TNRC18: variants seen among roughly 807,000 people sequenced by gnomAD.
TNRC18 encodes trinucleotide repeat-containing gene 18 protein.
TNRC18 carries 69 observed loss-of-function variants against 226.7 expected under a neutral mutation model. The observed-to-expected ratio is 0.30, with a 90% CI of 0.25 to 0.37. The LOEUF is 0.37. Ranked by LOEUF, TNRC18 falls within the 10% of genes least tolerant of loss-of-function variation. The pLI, the probability that TNRC18 is intolerant of heterozygous loss-of-function variation, is 1.00. For synonymous variants in TNRC18, 2,449 were observed against 1,927.6 expected (o/e 1.27, Z -7.09); for missense variants, 4,754 against 4,256.6 (o/e 1.12, Z -3.25).
intron 2 of TNRC18, among the ~76,000 whole-genome samples, chr7:5,398,240 G>A (rs13246070): frequency 6.6e-6 from 1 of 151,446 alleles, no homozygotes; most frequent in Admixed American, 6.6e-5. Flanking sequence ...GCGCGATCTC[G>A]GCTCACCGCA....
At chr7:5,400,953 G>A (rs1781044416) in intron 2 of TNRC18, among the ~76,000 whole-genome samples, 1 of 152,076 alleles carries the variant, frequency 6.6e-6, no homozygotes, top group Non-Finnish European at 1.5e-5. Flanking sequence ...GAGGTGGGAG[G>A]ATTGCTCGAG....
At chr7:5,345,517 G>GCCACCCCCC in intron 18 of TNRC18, 45 bp downstream of exon 18, 6 of 377,744 alleles carry the variant, frequency 1.6e-5, no homozygotes, top group South Asian at 4.4e-5. Context: ...AATGGCGTCC[G>GCCACCCCCC]CCCCTCCCAC....
chr7:5,331,465 A>T (rs182043400), intron 19 of TNRC18, among the ~76,000 whole-genome samples: 106 of 152,342 alleles, frequency 7.0e-4, no homozygotes, highest in African/African-American at 2.3e-3. Flanking sequence ...AACCTCTAAA[A>T]AAAAAATGGG....
intron 2 of TNRC18, among the ~76,000 whole-genome samples, chr7:5,402,188 A>G (rs2128210128): frequency 6.6e-6 from 1 of 150,512 alleles, no homozygotes; most frequent in South Asian, 2.1e-4. Flanking sequence ...CAAAAAAAAA[A>G]AAAAAAAAAA....
At chr7:5,374,625 C>T in intron 9 of TNRC18, 141 bp from the exon 10 acceptor site, 1 of 805,084 alleles carries the variant, frequency 1.2e-6, no homozygotes, top group Non-Finnish European at 1.9e-6. Flanking sequence ...CCCACCCCGT[C>T]CCAGGCCAGA....
chr7:5,345,421 G>A, intron 18 of TNRC18, 141 bp downstream of exon 18: 1 of 822,718 alleles, frequency 1.2e-6, no homozygotes, highest in Non-Finnish European at 1.9e-6. Flanking sequence ...TCAGCACGGG[G>A]CTGGCCCACG....
chr7:5,398,240 G>C (rs13246070), intron 2 of TNRC18, among the ~76,000 whole-genome samples: 32,892 of 151,464 alleles, frequency 0.22, 3,992 homozygotes, highest in Middle Eastern at 0.31. Flanking sequence ...GCGCGATCTC[G>C]GCTCACCGCA....
chr7:5,377,493 G>A lies in TNRC18; in HGVS notation c.2339C>T (p.Thr780Met), dbSNP rs762510718. ...TGAGCCCGCCAGCGCCGGGCCCCCC[G>A]TCACCATGAGGTTGGGGTTCAGGCC... ...PNGLNPNLMV[T>M]GGPALAGSGR... Residue 780 changes from threonine (T) to methionine (M), a missense_variant, in exon 7 of 30, where the codon ACG (threonine) becomes ATG (methionine). Transcript: ENST00000430969. The surrounding 1 kb of genome is among the most constrained non-coding windows in gnomAD (Gnocchi z 5.8). The A allele has an allele frequency of 9.5e-6, 15 of 1,583,792 alleles. No homozygotes were observed. Among genetic ancestry groups the A allele is most frequent in the Middle Eastern group, 1.7e-4 (1 of 5,974 alleles).
rs368659517 is a variant in TNRC18 at position 5,376,178 on chromosome 7, C to G, written c.2655G>C (p.Leu885=). Reference sequence around the variant, plus strand: ...GCAGGGGGCTGCGGCCCGGCGGGTACAGGGCGGGCCAGAGGGGCGGTACGG... The same window carrying G: ...GCAGGGGGCTGCGGCCCGGCGGGTAGAGGGCGGGCCAGAGGGGCGGTACGG... ...RATVPPLWPA[L]YPPGRSPLHH... is the part of the protein sequence containing the mutation. The change falls in exon 9 of 30, where the codon CTG becomes CTC. Residue 885 remains leucine, a synonymous_variant. Coordinates refer to ENST00000430969, the MANE Select transcript of TNRC18 (RefSeq NM_001080495.3). 6.4e-7 allele frequency: 1 copy of G among 1,559,846 alleles called. No homozygotes were observed. Among genetic ancestry groups the G allele is most frequent in the Non-Finnish European group, 8.7e-7 (1 of 1,154,246 alleles).
Position 5,325,059 on chromosome 7 carries a change from C to T in TNRC18, c.6300+37G>A, listed in dbSNP as rs142459403. ...CCTGACCACAGGAGCATGGCTGAGC[C>T]CCCCACAGCCCCCAACCAGGGCACG... On this transcript the variant is annotated intron_variant, in intron 20 of 29. Coordinates refer to ENST00000430969, the MANE Select transcript of TNRC18 (RefSeq NM_001080495.3). 2,641 of 1,546,922 alleles carry T rather than the reference C, an allele frequency of 1.7e-3. 51 individuals carry two copies. In the East Asian group the frequency reaches 0.03, roughly 18 times the overall value.
chr7:5,323,581 T>TTTTTTTTTTTG (rs60338709), intron 21 of TNRC18, among the ~76,000 whole-genome samples: 1 of 150,216 alleles, frequency 6.7e-6, no homozygotes, highest in African/African-American at 2.4e-5. Context: ...TTTTTTTTTT[T>TTTTTTTTTTTG]GAGACACAGT....
At position 5,332,867 on chromosome 7, in the gene TNRC18, C is replaced by A. The variant is rs1243214377; in HGVS notation, c.5902G>T (p.Gly1968Trp). 1 of 1,513,554 alleles carries A rather than the reference C, an allele frequency of 6.6e-7. No homozygotes were observed. 93.8% of individuals were successfully genotyped at this position (1,513,554 alleles called of 1,614,324 possible). A position where few individuals can be genotyped will look rare whatever the true frequency, so the allele number is the denominator to read the frequency against. Residue 1968 changes from glycine to tryptophan, a missense_variant, in exon 19 of 30, where the codon GGG (glycine) becomes TGG (tryptophan). Gly to Trp is a radical substitution (Grantham distance 184, BLOSUM62 -2). Coordinates refer to ENST00000430969, the MANE Select transcript of TNRC18 (RefSeq NM_001080495.3). ...CCCCGCAGCTTCCGGGCCTTGCGCC[C>A]CTTCTCCACCGCCAGCTTGGCCTTG... Reference protein sequence around the residue: ...PDKAKLAVEKGRKARKLRGPK... With the variant: ...PDKAKLAVEKWRKARKLRGPK...
chr7:5,412,943 TG>T (rs1016158609), intron 2 of TNRC18, among the ~76,000 whole-genome samples: 2 of 152,202 alleles, frequency 1.3e-5, no homozygotes, highest in African/African-American at 4.8e-5. Context: ...ACTGGTGGCC[TG>T]GGAGAGGTGA....
At chr7:5,406,322 T>C (rs1384264158) in intron 2 of TNRC18, among the ~76,000 whole-genome samples, 3 of 151,586 alleles carry the variant, frequency 2.0e-5, no homozygotes, top group East Asian at 3.9e-4. Flanking sequence ...AAATAGCCCA[T>C]TGTGGTGGCG....
At chr7:5,308,352 C>T (rs751249402) in intron 29 of TNRC18, 40 bp from the exon 30 acceptor site, 4 of 1,538,326 alleles carry the variant, frequency 2.6e-6, no homozygotes, top group African/African-American at 1.4e-5. Context: ...AGGTGGGGGG[C>T]ACAGAGGCCG....
chr7:5,383,957 A>AGTTTTT (rs1554294787), intron 5 of TNRC18, among the ~76,000 whole-genome samples: 1 of 78,794 alleles, frequency 1.3e-5, no homozygotes, highest in Non-Finnish European at 2.2e-5. Flanking sequence ...TACCCGGGTG[A>AGTTTTT]TTTTTTTTTT....
At chr7:5,386,741 C>T (rs1350756893) in intron 5 of TNRC18, among the ~76,000 whole-genome samples, 1 of 152,034 alleles carries the variant, frequency 6.6e-6, no homozygotes, top group Non-Finnish European at 1.5e-5. Flanking sequence ...CAGAGCAAGA[C>T]TCTATCTCTA....
In TNRC18 at chr7:5,325,229, G is replaced by T; in HGVS notation, c.6167C>A (p.Ala2056Asp). ...DPRKKKKGKE[A>D]GPGAGLPPPR... is the part of the protein sequence containing the mutation. Reference sequence around the variant, plus strand: ...CGGCGGCAGCCCAGCTCCTGGCCCAGCCTCTTTCCCTTTCTTCTTCTGGAG... The same window carrying T: ...CGGCGGCAGCCCAGCTCCTGGCCCATCCTCTTTCCCTTTCTTCTTCTGGAG... The change falls in exon 20 of 30, where the codon GCT (alanine) becomes GAT (aspartate). Residue 2056 changes from alanine to aspartate, a missense_variant. Physicochemically the swap from Ala to Asp is moderately radical, Grantham distance 126. Coordinates refer to ENST00000430969, the MANE Select transcript of TNRC18 (RefSeq NM_001080495.3). 1 of 1,553,774 alleles carries T rather than the reference G, an allele frequency of 6.4e-7. No homozygotes were observed. The highest frequency in any genetic ancestry group is 2.4e-5 in the East Asian group (1 of 41,948).
chr7:5,382,686 G>A (rs1779482469), intron 5 of TNRC18, among the ~76,000 whole-genome samples: 3 of 152,038 alleles, frequency 2.0e-5, no homozygotes, highest in Non-Finnish European at 4.4e-5. Context: ...CCCAGACCTG[G>A]CCCCACCCTA....
Sources: allele counts gnomAD v4.1 joint callset (sites outside exome capture counted in the v4.1 genomes callset), GRCh38; gene constraint gnomAD v4.1.1; non-coding constraint Gnocchi (gnomAD v3.1); transcripts MANE v1.5; gene names NCBI Gene and HGNC (gene_info 2026-07-23, HGNC 2026-07-21).